The following LMF1 variants were observed in gnomAD, a reference collection of about 807,000 sequenced individuals.
The protein encoded by LMF1 is lipase maturation factor 1, also known as transmembrane protein 112.
LMF1 carries 68 observed loss-of-function variants against 60.6 expected under a neutral mutation model. The ratio of observed to expected loss-of-function variants is 1.12; its 90% confidence interval spans 0.92 to 1.37. The LOEUF (loss-of-function observed/expected upper bound fraction) is 1.37. LMF1 is among the 40% of genes most tolerant of loss of function. The pLI, the probability that LMF1 is intolerant of heterozygous loss-of-function variation, is 0.00. For missense variants in LMF1, 948 were observed against 767.2 expected, an observed-to-expected ratio of 1.24 and a Z score of -2.78; for synonymous variants, 418 against 324.7, an observed-to-expected ratio of 1.29 and a Z score of -3.09.
intron 10 of LMF1, among the ~76,000 whole-genome samples, chr16:862,855 G>A (rs2069503631): frequency 6.6e-6 from 1 of 152,076 alleles, no homozygotes; most frequent in African/African-American, 2.4e-5. Flanking sequence ...GTGAGAACCT[G>A]TCTCAAAAAA....
Position 855,474 on chromosome 16 carries a change from A to C in LMF1, c.1530-768T>G, listed in dbSNP as rs938728699. The C allele has an allele frequency of 2.1e-4, 74 of 357,094 alleles. No homozygotes were observed. In the Admixed American group the frequency reaches 2.7e-3, roughly 13 times the overall value. The allele number at this position is 357,094 out of a possible 1,614,324, so 22.1% of individuals were successfully genotyped here. A position where few individuals can be genotyped will look rare whatever the true frequency, so the allele number is the denominator to read the frequency against. On this transcript the variant is annotated intron_variant, in intron 10 of 10. Transcript: ENST00000262301. ...TGGCAAGCCCTCACTGGACTCTCGG[A>C]GGACTGGGCATTTTCTCCTGGGGGT... is the stretch of plus-strand genomic sequence containing the variant.
In LMF1 at chr16:976,701, G is replaced by A. The variant is rs150743145; in HGVS notation, c.-135+4444C>T. 1,575 of 454,118 alleles carry A rather than the reference G, an allele frequency of 3.5e-3. 2 individuals carry two copies. The highest frequency in any genetic ancestry group is 6.0e-3 in the Non-Finnish European group (1,367 of 226,780). 28.1% of individuals were successfully genotyped at this position (454,118 alleles called of 1,614,324 possible). ...GGCCCAGCCAGAAGCTTGGGGACCC[G>A]CTCCCAGCCTGGAGTGACGGACGCT... On this transcript the variant is annotated intron_variant, in intron 1 of 6. Transcript: ENST00000570014.
At chr16:919,600 G>A (rs931041133) in intron 3 of LMF1, among the ~76,000 whole-genome samples, 4 of 152,220 alleles carry the variant, frequency 2.6e-5, no homozygotes, top group Non-Finnish European at 5.9e-5. Flanking sequence ...CAGGGAGGGC[G>A]TCTGGACCGC....
intron 2 of LMF1, among the ~76,000 whole-genome samples, chr16:952,210 C>G (rs2072490065): frequency 6.6e-6 from 1 of 152,160 alleles, no homozygotes; most frequent in Admixed American, 6.5e-5. Context: ...TGAGGAAACA[C>G]CAGCAACTGG....
At chr16:950,837 A>C (rs2072438280) in intron 2 of LMF1, among the ~76,000 whole-genome samples, 1 of 137,828 alleles carries the variant, frequency 7.3e-6, no homozygotes, top group Non-Finnish European at 1.6e-5. Context: ...AGAGTCAGCC[A>C]ATGACAGAGT....
chr16:975,706 T>C (rs1596184006), upstream of LMF1: 1 of 431,190 alleles, frequency 2.3e-6, no homozygotes, highest in East Asian at 7.1e-5. Flanking sequence ...GAGGGCATCT[T>C]AATTAAGCCT....
chr16:981,337 AGAGAGAGAGAGTGT>A (rs1275734685), upstream of LMF1: 596 of 319,652 alleles, frequency 1.9e-3, 5 homozygotes, highest in Non-Finnish European at 2.8e-3. Context: ...AGAGAGAGAG[AGAGAGAGAGAGTGT>A]GTGTGTGTGT....
At chr16:947,232 C>T (rs533056499) in intron 2 of LMF1, among the ~76,000 whole-genome samples, 13 of 152,344 alleles carry the variant, frequency 8.5e-5, no homozygotes, top group Admixed American at 3.9e-4. Context: ...ATGAAAAGGA[C>T]GTCACTTTTA....
intron 6 of LMF1, among the ~76,000 whole-genome samples, chr16:876,497 CTA>C (rs749385752): frequency 2.0e-4 from 31 of 152,306 alleles, no homozygotes; most frequent in Non-Finnish European, 3.8e-4. Context: ...TGCCTATCAA[CTA>C]TACAAGGTCC....
intron 2 of LMF1, 37 bp from the exon 3 acceptor site, chr16:934,291 G>C (rs1468155368): frequency 6.3e-7 from 1 of 1,598,838 alleles, no homozygotes; most frequent in African/African-American, 1.3e-5. Context: ...TTAACACTTT[G>C]GCTTGTTTCA....
intron 8 of LMF1, 74 bp from the exon 9 acceptor site, chr16:870,140 G>C (rs935895640): frequency 4.7e-6 from 7 of 1,499,052 alleles, no homozygotes; most frequent in Admixed American, 1.9e-5. Flanking sequence ...GGGTGGGGGG[G>C]GTTCCCCGAC....
At chr16:981,521 C>T, upstream of LMF1, 1 of 177,516 alleles carries the variant, frequency 5.6e-6, no homozygotes, top group South Asian at 7.2e-5. Flanking sequence ...GGCCTCCCTG[C>T]CCCGCTTCCT....
chr16:966,675 G>A (rs1433748137), intron 1 of LMF1, among the ~76,000 whole-genome samples: 1 of 152,226 alleles, frequency 6.6e-6, no homozygotes, highest in Non-Finnish European at 1.5e-5. Flanking sequence ...CGCCTTCTGG[G>A]AAGTGTGCAC....
At chr16:969,297 AGAGT>A (rs2072990464) in intron 1 of LMF1, among the ~76,000 whole-genome samples, 1 of 152,224 alleles carries the variant, frequency 6.6e-6, no homozygotes, top group African/African-American at 2.4e-5. Context: ...CCTGGGCAAC[AGAGT>A]GAGACTCCGT....
chr16:890,115 C>T (rs12719811), intron 5 of LMF1, among the ~76,000 whole-genome samples: 61,018 of 152,052 alleles, frequency 0.4, 14,000 homozygotes, highest in African/African-American at 0.62. Flanking sequence ...GCCACTGCTC[C>T]GTCTGTCGAG....
intron 5 of LMF1, among the ~76,000 whole-genome samples, chr16:880,077 C>T (rs940264787): frequency 2.0e-5 from 3 of 152,220 alleles, no homozygotes; most frequent in East Asian, 1.9e-4. Context: ...AGTCGGAGAA[C>T]GCGCCGCCTG....
chr16:869,083 G>A (rs373497504), intron 9 of LMF1, 27 bp from the exon 10 acceptor site: 51 of 1,470,660 alleles, frequency 3.5e-5, no homozygotes, highest in African/African-American at 2.9e-4. Flanking sequence ...GGCTGGAGAC[G>A]GCTGTGCCAC....
chr16:912,547 C>G (rs1288433324), intron 3 of LMF1, among the ~76,000 whole-genome samples: 1 of 152,162 alleles, frequency 6.6e-6, no homozygotes, highest in African/African-American at 2.4e-5. Flanking sequence ...GTGGAGGCAG[C>G]GCGACCCTGG....
At chr16:860,619 A>G (rs2069433668) in intron 10 of LMF1, among the ~76,000 whole-genome samples, 1 of 152,064 alleles carries the variant, frequency 6.6e-6, no homozygotes, top group South Asian at 2.1e-4. Context: ...GGGATTACAG[A>G]TGTGGGCCAC....
Sources: allele counts gnomAD v4.1 joint callset (sites outside exome capture counted in the v4.1 genomes callset), GRCh38; gene constraint gnomAD v4.1.1; transcripts MANE v1.5; gene names NCBI Gene and HGNC (gene_info 2026-07-23, HGNC 2026-07-21).